Variants in ADAM29 observed in about 807,000 individuals in gnomAD.
ADAM29 encodes ADAM metallopeptidase domain 29.
For synonymous variants in ADAM29, 367 were observed against 342.3 expected, an observed-to-expected ratio of 1.07 and a Z score of -0.80; for missense variants, 969 against 1,001.8, an observed-to-expected ratio of 0.97 and a Z score of 0.44.
chr4:174,918,928 A>G (rs1457419508), intron 1 of ADAM29: 1 of 152,188 alleles, frequency 6.6e-6, no homozygotes, highest in Non-Finnish European at 1.5e-5. Context: ...CTGTTCCTTT[A>G]GAATCTGTTT....
intron 4 of ADAM29, among the ~76,000 whole-genome samples, chr4:174,971,033 T>C (rs1327287217): frequency 1.3e-5 from 2 of 152,178 alleles, no homozygotes; most frequent in Non-Finnish European, 1.5e-5. Context: ...TTATTGTTGC[T>C]GCAATTTACA....
Position 174,977,378 on chromosome 4 carries a change from T to C in ADAM29, c.1853T>C (p.Ile618Thr). ...TGCATCCACAGGCACTGTGTCCATA[T>C]AACCATCTTGAATAGTAATTGCTCA... ...HICIHRHCVH[I>T]TILNSNCSPA... The change falls in exon 5 of 5, where the codon ATA becomes ACA. Residue 618 changes from isoleucine (I) to threonine (T), a missense_variant. Physicochemically the swap from Ile to Thr is moderately conservative, Grantham distance 89. Coordinates refer to ENST00000359240, the MANE Select transcript of ADAM29 (RefSeq NM_014269.4). 4 of 1,613,884 alleles carry C rather than the reference T, an allele frequency of 2.5e-6. No individual in the cohort carries two copies. The highest frequency in any genetic ancestry group is 3.4e-6 in the Non-Finnish European group (4 of 1,180,024).
chr4:174,952,170 T>G (rs958659229), intron 4 of ADAM29, among the ~76,000 whole-genome samples: 3 of 152,128 alleles, frequency 2.0e-5, no homozygotes, highest in Non-Finnish European at 2.9e-5. Context: ...GAAAACAACC[T>G]TATTGACTTT....
At position 174,975,555 on chromosome 4, in the gene ADAM29, TG is replaced by T; in HGVS notation, c.34del (p.Val12CysfsTer23). ...AGATGTTACTCCTGCTGCATTGCCT[TG>T]GGGTGTTTCTGTCCTGTTCTGGACA... MKMLLLLHCL[G>X]VFLSCSGHIQ... is the part of the protein sequence containing the mutation. On this transcript the variant is annotated frameshift_variant, in exon 5 of 5. Coordinates refer to ENST00000359240, the MANE Select transcript of ADAM29 (RefSeq NM_014269.4). LOFTEE classifies it low-confidence loss of function (END_TRUNC). 6.5e-7 allele frequency: 1 copy of T among 1,529,600 alleles called. No individual in the cohort carries two copies. The highest frequency in any genetic ancestry group is 8.8e-7 in the Non-Finnish European group (1 of 1,140,102). The allele number at this position is 1,529,600 out of a possible 1,614,324, so 94.8% of individuals were successfully genotyped here. A position where few individuals can be genotyped will look rare whatever the true frequency, so the allele number is the denominator to read the frequency against.
At chr4:174,935,882 G>A (rs1210342319) in intron 3 of ADAM29, among the ~76,000 whole-genome samples, 1 of 151,952 alleles carries the variant, frequency 6.6e-6, no homozygotes, top group African/African-American at 2.4e-5. Flanking sequence ...TGAAAAATGG[G>A]CACTTCTCCA....
intron 4 of ADAM29, among the ~76,000 whole-genome samples, chr4:174,970,076 A>T (rs1023011968): frequency 6.6e-6 from 1 of 152,168 alleles, no homozygotes; most frequent in African/African-American, 2.4e-5. Flanking sequence ...AAGAAAAAAA[A>T]ATATGGACCC....
At chr4:174,945,152 G>T (rs1025295323) in intron 4 of ADAM29, among the ~76,000 whole-genome samples, 1 of 151,912 alleles carries the variant, frequency 6.6e-6, no homozygotes, top group Non-Finnish European at 1.5e-5. Context: ...TCACAACCTT[G>T]CCAGCATCTG....
chr4:174,976,691 T>G lies in ADAM29; in HGVS notation c.1166T>G (p.Val389Gly). 2 of 1,614,076 alleles carry G rather than the reference T, an allele frequency of 1.2e-6. No individual in the cohort carries two copies. Among genetic ancestry groups the G allele is most frequent in the Non-Finnish European group, 1.7e-6 (2 of 1,179,974 alleles). ...AGGACAAAGTGTTTGCTTGAAACAG[T>G]ACACACAAAGGACATCTTTAATGTG... ...VERTKCLLET[V>G]HTKDIFNVKR... The change falls in exon 5 of 5, where the codon GTA becomes GGA. Residue 389 changes from valine to glycine, a missense_variant. Val to Gly is a moderately radical substitution (Grantham distance 109). Transcript: ENST00000359240.
At chr4:174,965,759 T>C (rs28759500) in intron 4 of ADAM29, among the ~76,000 whole-genome samples, 67,413 of 151,444 alleles carry the variant, frequency 0.45, 15,141 homozygotes, top group Middle Eastern at 0.5. Flanking sequence ...CTCATCCTCT[T>C]ATAAAGGCAT....
intron 3 of ADAM29, among the ~76,000 whole-genome samples, chr4:174,931,801 GTC>G (rs1260788518): frequency 7.4e-6 from 1 of 134,350 alleles, no homozygotes; most frequent in Non-Finnish European, 1.6e-5. Flanking sequence ...TTTATACCCA[GTC>G]TCTCTCTCTC....
chr4:174,928,668 C>T (rs780819502), intron 2 of ADAM29, among the ~76,000 whole-genome samples: 2 of 151,472 alleles, frequency 1.3e-5, no homozygotes, highest in Non-Finnish European at 2.9e-5. Context: ...TTTAACTCCC[C>T]TGAAACAAAA....
intron 4 of ADAM29, among the ~76,000 whole-genome samples, chr4:174,938,067 G>A (rs1041192972): frequency 4.6e-5 from 7 of 152,042 alleles, no homozygotes; most frequent in Admixed American, 2.0e-4. Flanking sequence ...GAAATATTCC[G>A]ACTAGCTATA....
Position 174,975,939 on chromosome 4 carries a change from C to T in ADAM29, c.414C>T (p.Pro138=). The change falls in exon 5 of 5, where the codon CCC becomes CCT. Residue 138 remains proline (P), a synonymous_variant. Coordinates refer to ENST00000359240, the MANE Select transcript of ADAM29 (RefSeq NM_014269.4). ...QINDFAYEIK[P]LAFSTTFEHL... The stretch of plus-strand genomic sequence containing the variant: ...ATGACTTTGCTTATGAAATCAAGCC[C>T]CTAGCATTTTCTACCACGTTTGAAC... The T allele has an allele frequency of 1.9e-6, 3 of 1,613,916 alleles. No individual in the cohort carries two copies. Among genetic ancestry groups the T allele is most frequent in the South Asian group, 2.2e-5 (2 of 91,036 alleles).
chr4:174,969,170 A>AT (rs958342732), intron 4 of ADAM29, among the ~76,000 whole-genome samples: 83 of 151,016 alleles, frequency 5.5e-4, no homozygotes, highest in Non-Finnish European at 8.7e-4. Flanking sequence ...ATTTATTAAA[A>AT]TTTTTTTTAT....
intron 2 of ADAM29, among the ~76,000 whole-genome samples, chr4:174,922,608 T>G (rs1228648009): frequency 1.3e-5 from 2 of 152,154 alleles, no homozygotes; most frequent in Admixed American, 6.5e-5. Flanking sequence ...CCCCACCAAC[T>G]TATCATTGTG....
chr4:174,920,663 A>G (rs1743114172), intron 1 of ADAM29, 24 bp from the exon 2 acceptor site: 1 of 152,144 alleles, frequency 6.6e-6, no homozygotes, highest in Non-Finnish European at 1.5e-5. Context: ...TTCTTAGATA[A>G]CATAATTGTT....
intron 3 of ADAM29, among the ~76,000 whole-genome samples, chr4:174,931,590 C>T (rs1016627602): frequency 5.9e-5 from 9 of 152,088 alleles, no homozygotes; most frequent in African/African-American, 2.2e-4. Context: ...AGAAACATAA[C>T]TTTCTATTAA....
intron 2 of ADAM29, among the ~76,000 whole-genome samples, chr4:174,921,895 G>A (rs1439231358): frequency 6.6e-6 from 1 of 152,092 alleles, no homozygotes; most frequent in Non-Finnish European, 1.5e-5. Context: ...ATTTTCGTAT[G>A]TAGTTCAAAA....
chr4:174,941,807 C>T (rs1349274163), intron 4 of ADAM29, among the ~76,000 whole-genome samples: 1 of 152,140 alleles, frequency 6.6e-6, no homozygotes, highest in Non-Finnish European at 1.5e-5. Context: ...AGTCTTAACT[C>T]ATTCCAGCGT....
Sources: gnomAD v4.1 joint callset for allele counts (sites outside exome capture counted in the v4.1 genomes callset) on GRCh38, gnomAD v4.1.1 for gene constraint, MANE v1.5 for transcripts, NCBI Gene and HGNC (gene_info 2026-07-23, HGNC 2026-07-21) for gene names.